KCNMA1: variants seen among roughly 807,000 people sequenced by gnomAD.
KCNMA1 encodes potassium calcium-activated channel subfamily M alpha 1.
Under a neutral mutation model 140.0 loss-of-function variants are expected in KCNMA1, and 29 were observed. The ratio of observed to expected loss-of-function variants is 0.21; its 90% CI spans 0.15 to 0.28. KCNMA1 has a LOEUF of 0.28. KCNMA1 is among the 10% of genes least tolerant of loss of function. The pLI is 1.00. For missense variants in KCNMA1, 880 were observed against 1,602.2 expected (o/e 0.55, Z 7.70); for synonymous variants, 612 against 611.9 (o/e 1.00, Z 0.00).
chr10:76,908,540 G>A (rs1239040054), intron 25 of KCNMA1, among the ~76,000 whole-genome samples: 1 of 152,208 alleles, frequency 6.6e-6, no homozygotes, highest in Non-Finnish European at 1.5e-5. Context: ...GTCTTAAAAA[G>A]CTTTATGTTT....
chr10:76,926,812 T>C (rs1198010447), intron 23 of KCNMA1, among the ~76,000 whole-genome samples: 3 of 152,036 alleles, frequency 2.0e-5, no homozygotes, highest in Admixed American at 6.6e-5. Context: ...AACAAACATA[T>C]CAACATTTCA....
chr10:77,171,400 CGTGTGTGTGT>C (rs60927086), intron 5 of KCNMA1, among the ~76,000 whole-genome samples: 27,540 of 128,832 alleles, frequency 0.21, 2,587 homozygotes, highest in Non-Finnish European at 0.24. Context: ...TGTGTGTGTG[CGTGTGTGTGT>C]GTGTGTGTGT....
rs147056424 is a variant in KCNMA1, at chr10:77,348,653, C to T, written c.540+55209G>A. Among the ~76,000 whole-genome samples, 28 of 152,328 alleles carry T rather than the reference C, an allele frequency of 1.8e-4. No homozygotes were observed. The East Asian group carries it at 3.9e-3, about 21-fold the overall frequency. On this transcript the variant is annotated intron_variant, in intron 2 of 27. Transcript: ENST00000286628. ...TGTATATTTCTGCTCTTATTCCCCA[C>T]AGGATCCAGAAATATATTTCTGTAA...
At chr10:77,006,395 G>T (rs1052799725) in intron 18 of KCNMA1, among the ~76,000 whole-genome samples, 9 of 152,150 alleles carry the variant, frequency 5.9e-5, no homozygotes, top group African/African-American at 2.2e-4. Context: ...AAGAAACATG[G>T]AGCTACTCTT....
chr10:77,041,497 C>T, intron 14 of KCNMA1, among the ~76,000 whole-genome samples: 1 of 151,438 alleles, frequency 6.6e-6, no homozygotes, highest in African/African-American at 2.4e-5. Flanking sequence ...GACAGGGTTT[C>T]ACCATGTTGG....
At chr10:77,423,251 G>T (rs1315471824) in intron 1 of KCNMA1, among the ~76,000 whole-genome samples, 1 of 152,180 alleles carries the variant, frequency 6.6e-6, no homozygotes, top group African/African-American at 2.4e-5. Flanking sequence ...AAGGAGACTT[G>T]GCTTTGCCCT....
intron 1 of KCNMA1, among the ~76,000 whole-genome samples, chr10:77,569,511 G>A (rs1243573965): frequency 6.7e-6 from 1 of 149,962 alleles, no homozygotes; most frequent in Middle Eastern, 3.2e-3. Context: ...AATAAATGGT[G>A]CTGGGAAAAC....
chr10:76,988,018 T>C (rs1029289872), intron 19 of KCNMA1, among the ~76,000 whole-genome samples: 2 of 152,150 alleles, frequency 1.3e-5, no homozygotes, highest in Non-Finnish European at 2.9e-5. Flanking sequence ...AATGAGCATG[T>C]GAGCTTGGCA....
chr10:77,294,900 C>G (rs966079447), intron 2 of KCNMA1, among the ~76,000 whole-genome samples: 2 of 151,918 alleles, frequency 1.3e-5, no homozygotes, highest in Non-Finnish European at 2.9e-5. Flanking sequence ...GCCTGGACAA[C>G]AGAGCAAGAC....
At chr10:77,162,517 G>A (rs555500608) in intron 5 of KCNMA1, among the ~76,000 whole-genome samples, 1 of 152,104 alleles carries the variant, frequency 6.6e-6, no homozygotes, top group East Asian at 1.9e-4. Flanking sequence ...GGTTTTTGTT[G>A]TTCTCTGACT....
At chr10:77,466,814 C>T (rs537249119) in intron 1 of KCNMA1, among the ~76,000 whole-genome samples, 6 of 151,378 alleles carry the variant, frequency 4.0e-5, no homozygotes, top group Non-Finnish European at 8.8e-5. Flanking sequence ...TGTTCTGTCA[C>T]GTGGGATGCT....
intron 1 of KCNMA1, among the ~76,000 whole-genome samples, chr10:77,413,363 C>G (rs2096663676): frequency 6.6e-6 from 1 of 152,012 alleles, no homozygotes; most frequent in South Asian, 2.1e-4. Context: ...CTTCCGTGTC[C>G]CCCCTCCCAT....
At chr10:77,433,547 T>C (rs1374373772) in intron 1 of KCNMA1, 1 of 152,228 alleles carries the variant, frequency 6.6e-6, no homozygotes, top group African/African-American at 2.4e-5. Flanking sequence ...CCCAAAGGAA[T>C]ACTTTATATT....
At chr10:77,216,000 C>T (rs2047669460) in intron 3 of KCNMA1, among the ~76,000 whole-genome samples, 1 of 152,004 alleles carries the variant, frequency 6.6e-6, no homozygotes, top group Admixed American at 6.6e-5. Context: ...AGAAATTGAC[C>T]ATGCTGTTGC....
chr10:77,025,998 A>AAAATATATAT (rs370771543), intron 16 of KCNMA1, among the ~76,000 whole-genome samples: 71 of 139,928 alleles, frequency 5.1e-4, no homozygotes, highest in African/African-American at 1.8e-3. Flanking sequence ...AGAAAAAAAA[A>AAAATATATAT]ATATATATAT....
intron 1 of KCNMA1, among the ~76,000 whole-genome samples, chr10:77,499,793 G>T (rs2043225811): frequency 6.6e-6 from 1 of 152,010 alleles, no homozygotes; most frequent in Admixed American, 6.6e-5. Flanking sequence ...AGATCTATTA[G>T]GTTTAAATAA....
At chr10:77,604,888 C>T (rs985590511) in intron 1 of KCNMA1, among the ~76,000 whole-genome samples, 7 of 152,198 alleles carry the variant, frequency 4.6e-5, no homozygotes, top group African/African-American at 7.2e-5. Context: ...TCCACCCTCC[C>T]CCACCCCTTC....
intron 20 of KCNMA1, among the ~76,000 whole-genome samples, chr10:76,957,127 CAAA>C (rs569115924): frequency 4.6e-3 from 329 of 71,350 alleles, no homozygotes; most frequent in East Asian, 0.01. Flanking sequence ...GACTCTGTCT[CAAA>C]AAAAAAAAAA....
chr10:77,403,918 C>G lies in KCNMA1; in HGVS notation c.484G>C (p.Val162Leu). The G allele has an allele frequency of 1.9e-6, 3 of 1,614,188 alleles. No individual in the cohort carries two copies. The highest frequency in any genetic ancestry group is 2.5e-6 in the Non-Finnish European group (3 of 1,180,044). ...ATCATCACCCCCGCCCAGTCCTTCA[C>G]GGAGGTCATCCAGCCGACCTCGGCG... ...VAAEVGWMTSVKDWAGVMISA... is the reference protein window; with the variant it reads ...VAAEVGWMTSLKDWAGVMISA... The change falls in exon 2 of 28, where the codon GTG becomes CTG. Residue 162 changes from valine (V) to leucine (L), a missense_variant. Physicochemically the swap from Val to Leu is conservative, Grantham distance 32 (BLOSUM62 1). This residue lies in a region of KCNMA1 where 54 missense variants were observed against 56.4 expected (regional missense o/e 0.96). Transcript: ENST00000286628.
Sources: gnomAD v4.1 joint callset for allele counts (sites outside exome capture counted in the v4.1 genomes callset) on GRCh38, gnomAD v4.1.1 for gene constraint, gnomAD v4.1.1 regional missense constraint, MANE v1.5 for transcripts, NCBI Gene and HGNC (gene_info 2026-07-23, HGNC 2026-07-21) for gene names.